The following KAZN variants were observed in gnomAD, a reference collection of about 807,000 sequenced individuals.
KAZN encodes kazrin, periplakin interacting protein, also known as kazrin.
KAZN carries 40 observed loss-of-function variants against 87.4 expected under a neutral mutation model. That is an observed-to-expected ratio of 0.46 (90% CI 0.36 to 0.60). The LOEUF is 0.60. Ranked by LOEUF, KAZN falls within the 20% of genes least tolerant of loss-of-function variation. The pLI is 0.00. For missense variants in KAZN, 898 were observed against 1,073.9 expected, an observed-to-expected ratio of 0.84 and a Z score of 2.29; for synonymous variants, 466 against 458.3, an observed-to-expected ratio of 1.02 and a Z score of -0.22.
chr1:14,989,873 G>T (rs192316716), intron 2 of KAZN, among the ~76,000 whole-genome samples: 5 of 152,310 alleles, frequency 3.3e-5, no homozygotes, highest in Admixed American at 3.3e-4. Flanking sequence ...CATGTTAGAC[G>T]AGAGCAAGTG....
intron 1 of KAZN, among the ~76,000 whole-genome samples, chr1:14,706,080 T>G (rs772600193): frequency 6.6e-6 from 1 of 152,124 alleles, no homozygotes; most frequent in Non-Finnish European, 1.5e-5. Context: ...TGAACCCTCT[T>G]GTGAACTGTG....
chr1:14,020,644 C>T (rs547635294), intron 1 of KAZN, among the ~76,000 whole-genome samples: 21 of 152,294 alleles, frequency 1.4e-4, no homozygotes, highest in African/African-American at 4.3e-4. Context: ...TTTCTTAGGA[C>T]GATCTGGGAA....
chr1:14,418,950 A>T (rs922382187), intron 2 of KAZN, among the ~76,000 whole-genome samples: 18 of 152,212 alleles, frequency 1.2e-4, no homozygotes, highest in Non-Finnish European at 2.6e-4. Flanking sequence ...GCACCCAGAA[A>T]CTGTCCCCCT....
At chr1:13,948,093 G>A (rs1641213363) in intron 1 of KAZN, among the ~76,000 whole-genome samples, 1 of 152,156 alleles carries the variant, frequency 6.6e-6, no homozygotes, top group Non-Finnish European at 1.5e-5. Context: ...TTCATTTGAG[G>A]TAACAGTCAC....
At chr1:14,501,605 A>G (rs1670258248) in intron 2 of KAZN, among the ~76,000 whole-genome samples, 1 of 152,242 alleles carries the variant, frequency 6.6e-6, no homozygotes, top group Admixed American at 6.5e-5. Flanking sequence ...CAAGAATTCT[A>G]CACTAAGGAC....
intron 1 of KAZN, among the ~76,000 whole-genome samples, chr1:13,983,441 CG>C (rs989598432): frequency 1.3e-5 from 2 of 152,246 alleles, no homozygotes; most frequent in African/African-American, 4.8e-5. Flanking sequence ...CCAACAGGGC[CG>C]GCCGGCTGCT....
At chr1:14,032,760 C>A (rs1156331876) in intron 1 of KAZN, among the ~76,000 whole-genome samples, 1 of 152,158 alleles carries the variant, frequency 6.6e-6, no homozygotes, top group Non-Finnish European at 1.5e-5. Flanking sequence ...TGTGTTCTGA[C>A]CCCTGCTTAA....
chr1:14,278,188 A>AAAC (rs1215249834), intron 2 of KAZN, among the ~76,000 whole-genome samples: 34 of 151,948 alleles, frequency 2.2e-4, no homozygotes, highest in Middle Eastern at 3.4e-3. Flanking sequence ...AAAAAAAAAA[A>AAAC]AACAGAGATG....
intron 2 of KAZN, among the ~76,000 whole-genome samples, chr1:14,303,859 C>T (rs959864799): frequency 1.3e-5 from 2 of 152,184 alleles, no homozygotes; most frequent in Non-Finnish European, 2.9e-5. Context: ...TTATCTGACT[C>T]TGGTCTCTTC....
intron 1 of KAZN, among the ~76,000 whole-genome samples, chr1:14,105,395 G>A (rs1644346224): frequency 2.0e-5 from 3 of 152,190 alleles, no homozygotes; most frequent in Admixed American, 2.0e-4. Context: ...AACAGCACAT[G>A]CAAAGGCCCT....
Position 14,665,122 on chromosome 1 carries a change from G to A in KAZN, c.226+65899G>A, listed in dbSNP as rs1639441756. On this transcript the variant is annotated intron_variant, in intron 1 of 14. Coordinates refer to ENST00000376030, the MANE Select transcript of KAZN (RefSeq NM_201628.3). ...TTTATTCCGCTGCCCCAACAAAGATGGTCCTTTCCACTTAGATACCTGTGA... is the reference window on the plus strand; with the variant it reads ...TTTATTCCGCTGCCCCAACAAAGATAGTCCTTTCCACTTAGATACCTGTGA... Among the ~76,000 whole-genome samples the A allele has an allele frequency of 2.6e-5, 4 of 152,252 alleles. No homozygotes were observed. In the South Asian group the frequency reaches 8.3e-4, roughly 32 times the overall value.
chr1:14,134,831 A>G (rs1466959237), intron 1 of KAZN, among the ~76,000 whole-genome samples: 1 of 152,136 alleles, frequency 6.6e-6, no homozygotes, highest in Admixed American at 6.6e-5. Context: ...GTTGCCAGCA[A>G]TAAAGACGGA....
intron 2 of KAZN, among the ~76,000 whole-genome samples, chr1:14,491,798 C>T (rs969563687): frequency 6.6e-6 from 1 of 152,108 alleles, no homozygotes; most frequent in African/African-American, 2.4e-5. Context: ...TTTAATAATG[C>T]TTTTCCCCCT....
intron 1 of KAZN, among the ~76,000 whole-genome samples, chr1:14,660,549 T>C (rs1015881056): frequency 3.0e-4 from 43 of 142,636 alleles, no homozygotes; most frequent in African/African-American, 1.1e-3. Flanking sequence ...CTCTTTTTTT[T>C]TTTTTTTTTT....
chr1:14,884,702 C>T (rs1268108384), intron 1 of KAZN, among the ~76,000 whole-genome samples: 1 of 152,192 alleles, frequency 6.6e-6, no homozygotes, highest in East Asian at 1.9e-4. Flanking sequence ...GTAGCTCTGA[C>T]GTGGGATCTG....
chr1:14,752,763 A>T (rs968884117), intron 1 of KAZN, among the ~76,000 whole-genome samples: 3 of 152,168 alleles, frequency 2.0e-5, no homozygotes, highest in African/African-American at 7.2e-5. Context: ...ACACATTCAG[A>T]CCATAGCAAG....
chr1:15,015,548 G>C (rs1670002029), intron 2 of KAZN, among the ~76,000 whole-genome samples: 2 of 152,170 alleles, frequency 1.3e-5, no homozygotes, highest in South Asian at 4.1e-4. Context: ...GTGAAGAGTG[G>C]TCCTGAGGTG....
At chr1:14,270,478 G>C (rs541835453) in intron 2 of KAZN, among the ~76,000 whole-genome samples, 3 of 152,196 alleles carry the variant, frequency 2.0e-5, no homozygotes, top group Non-Finnish European at 2.9e-5. Flanking sequence ...CATGCATTAA[G>C]TATGAATGAT....
chr1:14,335,800 G>C (rs1405279238), intron 2 of KAZN, among the ~76,000 whole-genome samples: 3 of 152,166 alleles, frequency 2.0e-5, no homozygotes, highest in Non-Finnish European at 4.4e-5. Context: ...TTCAGAGATA[G>C]AGATGGAAGG....
Sources: gnomAD v4.1 joint callset for allele counts (sites outside exome capture counted in the v4.1 genomes callset) on GRCh38, gnomAD v4.1.1 for gene constraint, MANE v1.5 for transcripts, NCBI Gene and HGNC (gene_info 2026-07-23, HGNC 2026-07-21) for gene names.